The following OSBPL1A variants were observed in gnomAD, a reference collection of about 807,000 sequenced individuals.
OSBPL1A encodes the protein oxysterol-binding protein-related protein 1.
A neutral mutation model predicts 137.1 loss-of-function variants in OSBPL1A; 80 were observed. That is an observed-to-expected ratio of 0.58 (90% confidence interval 0.49 to 0.70). The LOEUF (loss-of-function observed/expected upper bound fraction) is 0.70. Among genes scored for constraint, OSBPL1A ranks in the 30% least tolerant of loss-of-function variants. The pLI, the probability that OSBPL1A is intolerant of heterozygous loss-of-function variation, is 0.00. For synonymous variants in OSBPL1A, 365 were observed against 389.7 expected (o/e 0.94, Z 0.75); for missense variants, 970 against 1,129.4 (o/e 0.86, Z 2.02).
At chr18:24,205,137 T>C (rs1292032414) in intron 17 of OSBPL1A, among the ~76,000 whole-genome samples, 2 of 152,352 alleles carry the variant, frequency 1.3e-5, no homozygotes, top group South Asian at 2.1e-4. Flanking sequence ...TGGTATTAAA[T>C]AACTTGTCCA....
intron 15 of OSBPL1A, among the ~76,000 whole-genome samples, chr18:24,270,640 G>T (rs1429441634): frequency 6.6e-6 from 1 of 152,070 alleles, no homozygotes; most frequent in South Asian, 2.1e-4. Flanking sequence ...GAGTTACCTT[G>T]CCAAAGACAT....
At chr18:24,327,751 C>A (rs1599672481) in intron 7 of OSBPL1A, among the ~76,000 whole-genome samples, 1 of 152,218 alleles carries the variant, frequency 6.6e-6, no homozygotes, top group Admixed American at 6.5e-5. Flanking sequence ...GCCATTCTGA[C>A]TTTTGTCAAA....
intron 15 of OSBPL1A, among the ~76,000 whole-genome samples, chr18:24,276,060 T>C (rs923461748): frequency 1.3e-5 from 2 of 151,956 alleles, no homozygotes; most frequent in African/African-American, 2.4e-5. Flanking sequence ...GTCACAGCTT[T>C]TCAGCAGTCA....
chr18:24,319,746 T>C (rs904878446), intron 7 of OSBPL1A, among the ~76,000 whole-genome samples: 1 of 152,270 alleles, frequency 6.6e-6, no homozygotes, highest in Admixed American at 6.5e-5. Flanking sequence ...TAGCTTATTA[T>C]TAGAGAAATG....
chr18:24,378,598 G>C (rs1906362846), intron 1 of OSBPL1A, among the ~76,000 whole-genome samples: 1 of 152,170 alleles, frequency 6.6e-6, no homozygotes, highest in Non-Finnish European at 1.5e-5. Flanking sequence ...GGAAAAGTTA[G>C]AAACCACTCC....
chr18:24,262,159 A>G (rs1249761492), intron 15 of OSBPL1A, among the ~76,000 whole-genome samples: 1 of 152,254 alleles, frequency 6.6e-6, no homozygotes. Flanking sequence ...TAATTGCATC[A>G]TCAAATTTTG....
chr18:24,269,851 A>AACACACACAC (rs147895357), intron 15 of OSBPL1A, among the ~76,000 whole-genome samples: 15,275 of 139,908 alleles, frequency 0.11, 902 homozygotes, highest in Middle Eastern at 0.15. Context: ...TGACAAGCCT[A>AACACACACAC]ACACACACAC....
chr18:24,170,870 C>T (rs2086262869), intron 23 of OSBPL1A, among the ~76,000 whole-genome samples: 1 of 151,862 alleles, frequency 6.6e-6, no homozygotes, highest in Non-Finnish European at 1.5e-5. Context: ...AGGCTGGTCT[C>T]GAACTGGCTG....
At chr18:24,212,537 A>G (rs2087576203) in intron 17 of OSBPL1A, among the ~76,000 whole-genome samples, 2 of 152,220 alleles carry the variant, frequency 1.3e-5, no homozygotes, top group Non-Finnish European at 2.9e-5. Flanking sequence ...GATTTTTCAT[A>G]TTCTCTTAAC....
At chr18:24,225,252 G>C in intron 16 of OSBPL1A, 54 bp from the exon 17 acceptor site, 1 of 1,589,080 alleles carries the variant, frequency 6.3e-7, no homozygotes, top group African/African-American at 1.3e-5. Flanking sequence ...TGAGGCTTCC[G>C]TAACAATGGA....
chr18:24,349,059 T>TG (rs1418830547), intron 4 of OSBPL1A, among the ~76,000 whole-genome samples: 3 of 151,938 alleles, frequency 2.0e-5, no homozygotes, highest in Non-Finnish European at 1.5e-5. Flanking sequence ...CCTGGCTATT[T>TG]GGGGGGCTGA....
chr18:24,244,471 C>T (rs1202029764), intron 15 of OSBPL1A, among the ~76,000 whole-genome samples: 1 of 152,184 alleles, frequency 6.6e-6, no homozygotes, highest in Non-Finnish European at 1.5e-5. Context: ...CACCCTCAGT[C>T]CAATGACTTT....
chr18:24,367,216 C>T (rs1346611733), intron 3 of OSBPL1A, among the ~76,000 whole-genome samples: 3 of 145,206 alleles, frequency 2.1e-5, no homozygotes, highest in Non-Finnish European at 3.0e-5. Context: ...GGCACTATAG[C>T]GAGACTCCAT....
chr18:24,178,110 C>G lies in OSBPL1A; in HGVS notation c.1996G>C (p.Asp666His). ...TAGATAGAGCCATGAAAGATGAAGT[C>G]ATTGTTTAATCCTTCAGCATGAAAT... is the stretch of plus-strand genomic sequence containing the variant. ...SAFHAEGLNN[D>H]FIFHGSIYPK... Residue 666 changes from aspartate to histidine, a missense_variant, in exon 21 of 28, where the codon GAC (aspartate) becomes CAC (histidine). Asp to His is a moderately conservative substitution (Grantham distance 81, BLOSUM62 -1). Coordinates refer to ENST00000319481, the MANE Select transcript of OSBPL1A (RefSeq NM_080597.4). 6.2e-7 allele frequency: 1 copy of G among 1,607,430 alleles called. No homozygotes were observed. Among genetic ancestry groups the G allele is most frequent in the East Asian group, 2.2e-5 (1 of 44,574 alleles).
At chr18:24,324,689 T>G (rs11663470) in intron 7 of OSBPL1A, among the ~76,000 whole-genome samples, 17 of 128,002 alleles carry the variant, frequency 1.3e-4, no homozygotes, top group African/African-American at 4.0e-4. Context: ...GAGGCTGAGG[T>G]GGGAGCATTG....
chr18:24,166,989 T>C (rs2086158840), intron 25 of OSBPL1A, among the ~76,000 whole-genome samples: 1 of 152,210 alleles, frequency 6.6e-6, no homozygotes, highest in Admixed American at 6.5e-5. Flanking sequence ...TTATCTTCAT[T>C]AAAATCATTC....
At chr18:24,258,372 G>A (rs1359950482) in intron 15 of OSBPL1A, among the ~76,000 whole-genome samples, 1 of 152,230 alleles carries the variant, frequency 6.6e-6, no homozygotes, top group Non-Finnish European at 1.5e-5. Context: ...GCCAGGCACA[G>A]AAAGACAAAC....
intron 15 of OSBPL1A, chr18:24,272,214 C>T: frequency 1.0e-6 from 1 of 983,682 alleles, no homozygotes; most frequent in Non-Finnish European, 1.2e-6. Context: ...CGGCCCTCTC[C>T]TGGAGACACC....
intron 22 of OSBPL1A, among the ~76,000 whole-genome samples, chr18:24,172,009 C>T (rs1206047305): frequency 6.7e-6 from 1 of 150,208 alleles, no homozygotes; most frequent in African/African-American, 2.5e-5. Flanking sequence ...GGCGCTATCT[C>T]GGCTCACTGC....
Sources: allele counts gnomAD v4.1 joint callset (sites outside exome capture counted in the v4.1 genomes callset), GRCh38; gene constraint gnomAD v4.1.1; transcripts MANE v1.5; gene names NCBI Gene and HGNC (gene_info 2026-07-23, HGNC 2026-07-21).